Variants in GLI2 observed in about 807,000 individuals in gnomAD.
The protein encoded by GLI2 is GLI family zinc finger 2.
A neutral mutation model predicts 78.9 loss-of-function variants in GLI2; 22 were observed. The observed-to-expected ratio is 0.28, with a 90% CI of 0.20 to 0.40. The LOEUF (loss-of-function observed/expected upper bound fraction) is 0.40. Ranked by LOEUF, GLI2 falls within the 10% of genes least tolerant of loss-of-function variation. GLI2 has a pLI of 1.00. For missense variants in GLI2, 2,097 were observed against 2,213.2 expected (o/e 0.95, Z 1.05); for synonymous variants, 974 against 963.7 (o/e 1.01, Z -0.20).
At chr2:120,818,257 C>G (rs541454224) in intron 2 of GLI2, among the ~76,000 whole-genome samples, 1 of 152,222 alleles carries the variant, frequency 6.6e-6, no homozygotes, top group Non-Finnish European at 1.5e-5. Flanking sequence ...AAGTCTAACA[C>G]CAGGACAGCC....
At chr2:120,768,551 T>TC (rs1352357480) in intron 1 of GLI2, among the ~76,000 whole-genome samples, 2 of 152,224 alleles carry the variant, frequency 1.3e-5, no homozygotes, top group Non-Finnish European at 2.9e-5. Flanking sequence ...GGGGCCATTC[T>TC]CCAACGCCTT....
intron 2 of GLI2, among the ~76,000 whole-genome samples, chr2:120,874,573 T>G (rs1354497515): frequency 6.6e-6 from 1 of 152,226 alleles, no homozygotes; most frequent in Non-Finnish European, 1.5e-5. Flanking sequence ...GCGTTGAATG[T>G]CTACGGGTGG....
At chr2:120,868,539 C>T (rs1368666885) in intron 2 of GLI2, among the ~76,000 whole-genome samples, 1 of 152,188 alleles carries the variant, frequency 6.6e-6, no homozygotes, top group Non-Finnish European at 1.5e-5. Context: ...TAAGGCCTTG[C>T]AGGGAAGGAA....
intron 2 of GLI2, among the ~76,000 whole-genome samples, chr2:120,808,576 G>C: frequency 6.6e-6 from 1 of 152,206 alleles, no homozygotes; most frequent in East Asian, 1.9e-4. Context: ...ATGTCAGCGA[G>C]ATCTTTGTCC....
intron 13 of GLI2, 82 bp downstream of exon 13, chr2:120,986,696 A>G: frequency 9.1e-7 from 1 of 1,093,520 alleles, no homozygotes. Flanking sequence ...ACCAAGCACC[A>G]GTGCTATCTC....
At position 120,984,600 on chromosome 2, in the gene GLI2, C is replaced by T; in HGVS notation, c.1762C>T (p.Leu588Phe). ...CAAGAAGCAGCGCAATGACGTGCAC[C>T]TCCGCACACCGCTGCTCAAAGAGAA... ...VTKKQRNDVH[L>F]RTPLLKENGD... The change falls in exon 12 of 14, where the codon CTC (leucine) becomes TTC (phenylalanine). Residue 588 changes from leucine to phenylalanine, a missense_variant. Around this residue, in one of 5 missense-constraint regions of GLI2, gnomAD observed 57 missense variants for 44.5 expected, o/e 1.28. Coordinates refer to ENST00000361492, the MANE Select transcript of GLI2 (RefSeq NM_001374353.1). 6.2e-7 allele frequency: 1 copy of T among 1,614,256 alleles called. No homozygotes were observed. Among genetic ancestry groups the T allele is most frequent in the Non-Finnish European group, 8.5e-7 (1 of 1,180,042 alleles).
At chr2:120,776,355 C>T (rs1683677151) in intron 1 of GLI2, among the ~76,000 whole-genome samples, 1 of 152,174 alleles carries the variant, frequency 6.6e-6, no homozygotes, top group Non-Finnish European at 1.5e-5. Context: ...CAAAGGGAGG[C>T]CCAGTGGGCT....
chr2:120,817,907 G>A (rs918467959), intron 2 of GLI2, among the ~76,000 whole-genome samples: 14 of 152,220 alleles, frequency 9.2e-5, no homozygotes, highest in Non-Finnish European at 1.5e-4. Flanking sequence ...GGATGGATCC[G>A]CACGGGACCT....
In GLI2 at chr2:120,990,905, G is replaced by A; in HGVS notation, c.*230G>A. On this transcript the variant is annotated 3_prime_UTR_variant, in exon 14 of 14. Coordinates refer to ENST00000361492, the MANE Select transcript of GLI2 (RefSeq NM_001374353.1). ...AAAAAAGTCTCCATAGGACAGGAAG[G>A]AATGCAAAACTCATTTACACAGTGC... 1.8e-6 allele frequency: 1 copy of A among 564,520 alleles called. No homozygotes were observed. Among genetic ancestry groups the A allele is most frequent in the Non-Finnish European group, 3.1e-6 (1 of 318,200 alleles). The allele number at this position is 564,520 out of a possible 1,614,324, so 35.0% of individuals were successfully genotyped here.
At chr2:120,747,926 G>A (rs1224818414) in intron 1 of GLI2, among the ~76,000 whole-genome samples, 1 of 152,218 alleles carries the variant, frequency 6.6e-6, no homozygotes, top group Non-Finnish European at 1.5e-5. Flanking sequence ...AATTCCTTGT[G>A]TAATCCATCA....
chr2:120,896,247 G>A (rs2104765330), intron 2 of GLI2, among the ~76,000 whole-genome samples: 1 of 152,072 alleles, frequency 6.6e-6, no homozygotes, highest in East Asian at 1.9e-4. Flanking sequence ...CCACCCTGAG[G>A]TCAGCCTGAA....
intron 1 of GLI2, among the ~76,000 whole-genome samples, chr2:120,753,502 T>C (rs1682940790): frequency 6.6e-6 from 1 of 152,246 alleles, no homozygotes; most frequent in Non-Finnish European, 1.5e-5. Flanking sequence ...CTTTATTTTA[T>C]GTTGTATTTT....
In GLI2 at chr2:120,867,796, G is replaced by T. The variant is rs559153670; in HGVS notation, c.149-59565G>T. 3.5e-3 allele frequency among the ~76,000 whole-genome samples: 531 copies of T among 152,266 alleles called. 6 individuals carry two copies. The highest frequency in any genetic ancestry group is 0.012 in the African/African-American group (506 of 41,518). On this transcript the variant is annotated intron_variant, in intron 2 of 13. Coordinates refer to ENST00000361492, the MANE Select transcript of GLI2 (RefSeq NM_001374353.1). Reference sequence around the variant, plus strand: ...GGGAGGCTGTGCTGGGCCTCAGGCGGGGGGAGCTGGAGGGAAGGAGGGAGG... The same window carrying T: ...GGGAGGCTGTGCTGGGCCTCAGGCGTGGGGAGCTGGAGGGAAGGAGGGAGG...
chr2:120,801,601 A>C (rs896651765), intron 2 of GLI2, among the ~76,000 whole-genome samples: 1 of 152,246 alleles, frequency 6.6e-6, no homozygotes, highest in Non-Finnish European at 1.5e-5. Context: ...TTGTATTCTA[A>C]TATTAAGTGG....
At chr2:120,882,734 G>C (rs1481225941) in intron 2 of GLI2, among the ~76,000 whole-genome samples, 1 of 152,160 alleles carries the variant, frequency 6.6e-6, no homozygotes, top group East Asian at 1.9e-4. Context: ...CATCTTCCTT[G>C]CCCTCCAGGG....
At chr2:120,740,896 TGAGGCGGG>T (rs1157820132) in intron 1 of GLI2, among the ~76,000 whole-genome samples, 2 of 152,098 alleles carry the variant, frequency 1.3e-5, no homozygotes, top group Non-Finnish European at 2.9e-5. Flanking sequence ...GGCTGCAGGC[TGAGGCGGG>T]GACTCCACAG....
chr2:120,898,177 A>AACACACACACACACACACAC (rs55794893), intron 2 of GLI2, among the ~76,000 whole-genome samples: 236 of 140,280 alleles, frequency 1.7e-3, no homozygotes, highest in Non-Finnish European at 1.2e-3. Flanking sequence ...TATAGATTAA[A>AACACACACACACACACACAC]ACACACACAC....
chr2:120,984,436 C>G (rs376606092), intron 11 of GLI2, 35 bp from the exon 12 acceptor site: 1 of 1,611,476 alleles, frequency 6.2e-7, no homozygotes. Flanking sequence ...ATCCTCGTAC[C>G]CCTATCCATG....
intron 1 of GLI2, among the ~76,000 whole-genome samples, chr2:120,739,803 A>C (rs986461887): frequency 1.3e-5 from 2 of 152,252 alleles, no homozygotes; most frequent in Non-Finnish European, 2.9e-5. Context: ...GATTCCAGAA[A>C]ATTCAGAGGC....
Sources: allele counts gnomAD v4.1 joint callset (sites outside exome capture counted in the v4.1 genomes callset), GRCh38; gene constraint gnomAD v4.1.1; regional missense constraint gnomAD v4.1.1; transcripts MANE v1.5; gene names NCBI Gene and HGNC (gene_info 2026-07-23, HGNC 2026-07-21).